The following NRG3 variants were observed in gnomAD, a reference collection of about 807,000 sequenced individuals.
The protein encoded by NRG3 is pro-neuregulin-3, membrane-bound isoform.
A neutral mutation model predicts 66.9 loss-of-function variants in NRG3; 31 were observed. The ratio of observed to expected loss-of-function variants is 0.46; its 90% CI spans 0.35 to 0.63. NRG3 has a LOEUF of 0.63. NRG3 is among the 20% of genes least tolerant of loss of function. The probability of loss-of-function intolerance (pLI) is 0.00; values close to 1 mark genes in which losing one functional copy is unlikely to be tolerated. For synonymous variants in NRG3, 393 were observed against 359.4 expected (o/e 1.09, Z -1.06); for missense variants, 910 against 878.9 (o/e 1.04, Z -0.45).
intron 1 of NRG3, among the ~76,000 whole-genome samples, chr10:82,176,294 A>G (rs928677496): frequency 1.3e-5 from 2 of 152,108 alleles, no homozygotes; most frequent in African/African-American, 2.4e-5. Context: ...AGTCTTTAGG[A>G]GAGAACTCCT....
At chr10:82,192,600 C>T (rs2074214968) in intron 1 of NRG3, among the ~76,000 whole-genome samples, 2 of 152,154 alleles carry the variant, frequency 1.3e-5, no homozygotes, top group Admixed American at 1.3e-4. Flanking sequence ...CATGACTTTG[C>T]CATCCCTGCT....
At chr10:82,313,791 G>A (rs926098786) in intron 1 of NRG3, among the ~76,000 whole-genome samples, 2 of 152,132 alleles carry the variant, frequency 1.3e-5, no homozygotes, top group African/African-American at 4.8e-5. Flanking sequence ...TATCCTCTCT[G>A]GCGATTGAAG....
chr10:82,973,776 G>C lies in NRG3; in HGVS notation c.1285-12G>C. 6.2e-7 allele frequency: 1 copy of C among 1,613,884 alleles called. No homozygotes were observed. The highest frequency in any genetic ancestry group is 2.2e-5 in the East Asian group (1 of 44,860). ...TCCTTCGTCTCAACTCTGTACGTGT[G>C]ATTTCCCACAGTATTCAAAGGTGGA... On this transcript the variant is annotated splice_polypyrimidine_tract_variant and intron_variant, in intron 6 of 8. Coordinates refer to ENST00000372141, the MANE Select transcript of NRG3 (RefSeq NM_001010848.4).
At chr10:82,303,202 A>C (rs144343157) in intron 1 of NRG3, among the ~76,000 whole-genome samples, 1 of 152,296 alleles carries the variant, frequency 6.6e-6, no homozygotes, top group East Asian at 1.9e-4. Context: ...CCTGGGTTTT[A>C]TTAAAATAGT....
intron 2 of NRG3, among the ~76,000 whole-genome samples, chr10:82,728,584 C>T (rs926169422): frequency 6.6e-6 from 1 of 152,150 alleles, no homozygotes; most frequent in African/African-American, 2.4e-5. Context: ...GTAAATTTCC[C>T]AGTCTTGGGT....
At chr10:82,145,721 C>T (rs1170520139) in intron 1 of NRG3, among the ~76,000 whole-genome samples, 1 of 152,122 alleles carries the variant, frequency 6.6e-6, no homozygotes, top group Non-Finnish European at 1.5e-5. Flanking sequence ...TTGGCATGTT[C>T]AGTACTGTTC....
intron 3 of NRG3, among the ~76,000 whole-genome samples, chr10:82,787,870 A>G (rs1023159407): frequency 6.6e-6 from 1 of 152,166 alleles, no homozygotes; most frequent in African/African-American, 2.4e-5. Flanking sequence ...GGTGGGGAGA[A>G]CCACTTGGCT....
intron 2 of NRG3, among the ~76,000 whole-genome samples, chr10:82,428,018 CT>C (rs1383342751): frequency 6.6e-6 from 1 of 151,766 alleles, no homozygotes; most frequent in Non-Finnish European, 1.5e-5. Flanking sequence ...ATTCCTTATT[CT>C]TCTTATTTTC....
chr10:82,194,355 CAAGT>C (rs1208307092), intron 1 of NRG3, among the ~76,000 whole-genome samples: 1 of 151,988 alleles, frequency 6.6e-6, no homozygotes, highest in African/African-American at 2.4e-5. Flanking sequence ...TTTTTGTATG[CAAGT>C]AAGTGTGAAA....
At chr10:82,662,234 C>T (rs554748311) in intron 2 of NRG3, among the ~76,000 whole-genome samples, 69 of 133,448 alleles carry the variant, frequency 5.2e-4, no homozygotes, top group Non-Finnish European at 8.7e-4. Flanking sequence ...AAGCAACTCA[C>T]GAAGTAGGGT....
chr10:82,951,128 T>C (rs957249979), intron 4 of NRG3, among the ~76,000 whole-genome samples: 2 of 152,184 alleles, frequency 1.3e-5, no homozygotes, highest in African/African-American at 4.8e-5. Context: ...CCTGAGTTTG[T>C]TTCTCTAGCT....
chr10:82,139,907 C>T (rs970536669), intron 1 of NRG3, among the ~76,000 whole-genome samples: 5 of 42,750 alleles, frequency 1.2e-4, no homozygotes, highest in Admixed American at 2.7e-4. Context: ...AGATGAATCA[C>T]CAGATTTGTT....
intron 2 of NRG3, among the ~76,000 whole-genome samples, chr10:82,723,959 G>A (rs190816198): frequency 0.016 from 2,487 of 150,808 alleles, 35 homozygotes; most frequent in South Asian, 0.037. Flanking sequence ...CAGCCTGGGC[G>A]ACAGAGCGAG....
At chr10:82,491,677 G>T (rs1295099760) in intron 2 of NRG3, among the ~76,000 whole-genome samples, 1 of 151,710 alleles carries the variant, frequency 6.6e-6, no homozygotes. Flanking sequence ...TTTATTTCAG[G>T]CTTCATATAA....
At chr10:82,570,694 A>G (rs150289719) in intron 2 of NRG3, among the ~76,000 whole-genome samples, 1 of 151,622 alleles carries the variant, frequency 6.6e-6, no homozygotes, top group South Asian at 2.1e-4. Context: ...TTGAGGGGAA[A>G]TTTTGCACTA....
intron 2 of NRG3, among the ~76,000 whole-genome samples, chr10:82,652,356 G>C (rs1259722475): frequency 2.0e-5 from 3 of 152,172 alleles, no homozygotes; most frequent in Admixed American, 6.5e-5. Context: ...TGAATTGAAG[G>C]ATGGTAAATG....
intron 1 of NRG3, among the ~76,000 whole-genome samples, chr10:82,208,857 T>C (rs1055098566): frequency 6.6e-6 from 1 of 152,150 alleles, no homozygotes; most frequent in African/African-American, 2.4e-5. Flanking sequence ...CAGAATTGTT[T>C]TGGGTAGTTG....
At chr10:82,193,952 G>C (rs982843903) in intron 1 of NRG3, among the ~76,000 whole-genome samples, 2 of 152,146 alleles carry the variant, frequency 1.3e-5, no homozygotes, top group African/African-American at 4.8e-5. Context: ...TGAGTTGTGA[G>C]TTTTTGCAAC....
chr10:82,544,817 G>A (rs1301906037), intron 2 of NRG3, among the ~76,000 whole-genome samples: 2 of 152,144 alleles, frequency 1.3e-5, no homozygotes, highest in Non-Finnish European at 2.9e-5. Flanking sequence ...TGTGATTTTA[G>A]TAAGGCATGC....
Sources: gnomAD v4.1 joint callset for allele counts (sites outside exome capture counted in the v4.1 genomes callset) on GRCh38, gnomAD v4.1.1 for gene constraint, MANE v1.5 for transcripts, NCBI Gene and HGNC (gene_info 2026-07-23, HGNC 2026-07-21) for gene names.